SLC9A9: variants seen among roughly 807,000 people sequenced by gnomAD.
SLC9A9 encodes solute carrier family 9 member A9.
A neutral mutation model predicts 77.8 loss-of-function variants in SLC9A9; 62 were observed. That is an observed-to-expected ratio of 0.80 (90% CI 0.65 to 0.98). The LOEUF (loss-of-function observed/expected upper bound fraction) is 0.98. Ranked by LOEUF, SLC9A9 falls within the 50% of genes least tolerant of loss-of-function variation. SLC9A9 has a pLI of 0.00. For synonymous variants in SLC9A9, 320 were observed against 283.5 expected (o/e 1.13, Z -1.29); for missense variants, 775 against 774.9 (o/e 1.00, Z 0.00).
In SLC9A9 at chr3:143,425,973, C is replaced by CTTT. The variant is rs34690704; in HGVS notation, c.1469+41061_1469+41063dup. On this transcript the variant is annotated intron_variant, in intron 12 of 15. Transcript: ENST00000316549. The stretch of plus-strand genomic sequence containing the variant: ...GCTCCACACTAAAGAGCCACAATGG[C>CTTT]TTTTTTTTTTTTTCCTAAAAAGACA... 5.4e-5 allele frequency among the ~76,000 whole-genome samples: 8 copies of CTTT among 147,452 alleles called. No individual in the cohort carries two copies. The East Asian group carries it at 1.0e-3, about 18-fold the overall frequency.
intron 6 of SLC9A9, among the ~76,000 whole-genome samples, chr3:143,601,109 G>T (rs997165310): frequency 6.6e-6 from 1 of 152,088 alleles, no homozygotes; most frequent in Admixed American, 6.6e-5. Flanking sequence ...AAAATGTCTT[G>T]TCTTTGATGT....
At chr3:143,478,389 C>G in intron 11 of SLC9A9, among the ~76,000 whole-genome samples, 1 of 152,140 alleles carries the variant, frequency 6.6e-6, no homozygotes, top group East Asian at 1.9e-4. Context: ...GCCCTGGGGT[C>G]TCCTCCTTCC....
intron 6 of SLC9A9, among the ~76,000 whole-genome samples, chr3:143,627,860 AC>A (rs2108723726): frequency 6.6e-6 from 1 of 152,360 alleles, no homozygotes; most frequent in African/African-American, 2.4e-5. Flanking sequence ...AATGAGACCA[AC>A]ACAAATAATT....
intron 14 of SLC9A9, among the ~76,000 whole-genome samples, chr3:143,310,893 A>C (rs1224117464): frequency 6.6e-6 from 1 of 152,242 alleles, no homozygotes; most frequent in East Asian, 1.9e-4. Flanking sequence ...GTCTAAAATC[A>C]TTCATAGCTA....
At chr3:143,314,739 A>G (rs2031144339) in intron 14 of SLC9A9, among the ~76,000 whole-genome samples, 1 of 152,198 alleles carries the variant, frequency 6.6e-6, no homozygotes, top group African/African-American at 2.4e-5. Context: ...CTTGTCACGA[A>G]TTTTAACTGG....
intron 1 of SLC9A9, among the ~76,000 whole-genome samples, chr3:143,839,964 T>C (rs1273098436): frequency 6.6e-6 from 1 of 152,150 alleles, no homozygotes; most frequent in Non-Finnish European, 1.5e-5. Context: ...CCTTTCACCA[T>C]AGGAGAGTAA....
rs1262909782 is a variant in SLC9A9 at position 143,495,353 on chromosome 3, A to C, written c.1185T>G (p.Leu395=). Residue 395 remains leucine (L), a synonymous_variant, in exon 10 of 16, where the codon CTT becomes CTG. Coordinates refer to ENST00000316549, the MANE Select transcript of SLC9A9 (RefSeq NM_173653.4). ...FTFQNHIFNA[L]FILGAFLAIF... is the part of the protein sequence containing the mutation. ...AGGATACAAAGGCTCCAAGTATAAA[A>C]AGAGCATTAAAGATATGATTCTGGA... The C allele has an allele frequency of 6.2e-7, 1 of 1,613,458 alleles. No individual in the cohort carries two copies. Among genetic ancestry groups the C allele is most frequent in the African/African-American group, 1.3e-5 (1 of 74,932 alleles).
intron 8 of SLC9A9, among the ~76,000 whole-genome samples, chr3:143,563,997 C>T (rs977998937): frequency 4.2e-4 from 64 of 152,232 alleles, no homozygotes; most frequent in African/African-American, 1.4e-3. Flanking sequence ...ATCGCTGACC[C>T]ACAGCAGTGT....
intron 14 of SLC9A9, among the ~76,000 whole-genome samples, chr3:143,339,954 A>G (rs565607539): frequency 2.6e-5 from 4 of 152,352 alleles, no homozygotes; most frequent in South Asian, 4.1e-4. Flanking sequence ...CTGACATAAA[A>G]AAAGCAACCA....
At chr3:143,370,567 G>GCGCACACA (rs373398536) in intron 13 of SLC9A9, among the ~76,000 whole-genome samples, 8,770 of 143,324 alleles carry the variant, frequency 0.061, 322 homozygotes, top group South Asian at 0.097. Flanking sequence ...GCATGTGCGC[G>GCGCACACA]CACACACACA....
intron 6 of SLC9A9, among the ~76,000 whole-genome samples, chr3:143,606,700 C>G (rs2037934552): frequency 6.6e-6 from 1 of 150,770 alleles, no homozygotes; most frequent in Non-Finnish European, 1.5e-5. Flanking sequence ...AAATTGAAAA[C>G]TCAGTTGGCA....
At chr3:143,418,659 T>C (rs72992195) in intron 12 of SLC9A9, among the ~76,000 whole-genome samples, 3,740 of 152,186 alleles carry the variant, frequency 0.025, 171 homozygotes, top group African/African-American at 0.084. Flanking sequence ...TTGTAAAGGA[T>C]GCAGAAGGAA....
intron 11 of SLC9A9, among the ~76,000 whole-genome samples, chr3:143,486,758 C>G (rs558039749): frequency 6.6e-6 from 1 of 151,426 alleles, no homozygotes; most frequent in East Asian, 1.9e-4. Context: ...TCCATGGTAA[C>G]CACAAAGAAA....
At chr3:143,357,885 G>C (rs1052602061) in intron 14 of SLC9A9, among the ~76,000 whole-genome samples, 1 of 152,074 alleles carries the variant, frequency 6.6e-6, no homozygotes, top group African/African-American at 2.4e-5. Context: ...AGTCAGGATA[G>C]GGAAAAACCG....
intron 12 of SLC9A9, among the ~76,000 whole-genome samples, chr3:143,399,939 G>GA (rs1170777363): frequency 6.6e-6 from 1 of 152,146 alleles, no homozygotes; most frequent in Non-Finnish European, 1.5e-5. Context: ...TGGTAGACAT[G>GA]AAAAATTTGT....
chr3:143,479,229 T>G (rs1199692978), intron 11 of SLC9A9, among the ~76,000 whole-genome samples: 2 of 152,190 alleles, frequency 1.3e-5, no homozygotes, highest in Non-Finnish European at 2.9e-5. Flanking sequence ...ACTGGTATTT[T>G]GAGTCGCAAC....
intron 1 of SLC9A9, among the ~76,000 whole-genome samples, chr3:143,844,090 T>G (rs142887517): frequency 2.9e-4 from 44 of 152,306 alleles, no homozygotes; most frequent in African/African-American, 9.9e-4. Context: ...AATGGATTAT[T>G]TATACTATTT....
chr3:143,741,434 A>G (rs535094032), intron 4 of SLC9A9, among the ~76,000 whole-genome samples: 2 of 152,358 alleles, frequency 1.3e-5, no homozygotes, highest in South Asian at 4.1e-4. Flanking sequence ...CCACACTGAT[A>G]TAAATAAAGA....
intron 14 of SLC9A9, among the ~76,000 whole-genome samples, chr3:143,310,511 A>G (rs2030977921): frequency 6.7e-6 from 1 of 148,368 alleles, no homozygotes; most frequent in Non-Finnish European, 1.5e-5. Flanking sequence ...ACAAAACAAA[A>G]CCAGAAAGTC....
Sources: allele counts gnomAD v4.1 joint callset (sites outside exome capture counted in the v4.1 genomes callset), GRCh38; gene constraint gnomAD v4.1.1; transcripts MANE v1.5; gene names NCBI Gene and HGNC (gene_info 2026-07-23, HGNC 2026-07-21).